GALNTL6: variants seen among roughly 807,000 people sequenced by gnomAD.
GALNTL6 encodes polypeptide N-acetylgalactosaminyltransferase-like 6.
GALNTL6 carries 46 observed loss-of-function variants against 73.7 expected under a neutral mutation model. The ratio of observed to expected loss-of-function variants is 0.62; its 90% CI spans 0.49 to 0.80. The LOEUF (loss-of-function observed/expected upper bound fraction) is 0.80, where lower values mean the gene tolerates loss of function less well. Ranked by LOEUF, GALNTL6 falls within the 30% of genes least tolerant of loss-of-function variation. The pLI is 0.00. For synonymous variants in GALNTL6, 259 were observed against 263.7 expected, an observed-to-expected ratio of 0.98 and a Z score of 0.17; for missense variants, 604 against 755.0, an observed-to-expected ratio of 0.80 and a Z score of 2.34.
intron 2 of GALNTL6, among the ~76,000 whole-genome samples, chr4:171,831,409 A>C (rs917652701): frequency 6.6e-6 from 1 of 152,016 alleles, no homozygotes; most frequent in African/African-American, 2.4e-5. Context: ...GTGTTTGGTG[A>C]AATGATTCTA....
chr4:171,992,351 C>T (rs1267673326), intron 2 of GALNTL6, among the ~76,000 whole-genome samples: 1 of 151,844 alleles, frequency 6.6e-6, no homozygotes, highest in East Asian at 1.9e-4. Flanking sequence ...TTACAGAGGC[C>T]ATTCAGTTAA....
At position 171,860,966 on chromosome 4, in the gene GALNTL6, G is replaced by T. The variant is rs541510918; in HGVS notation, c.138+46248G>T. The stretch of plus-strand genomic sequence containing the variant: ...TCCTCCATTCAGCATTCAGCTTGTA[G>T]CCATAATTCTCCATTAGGCCTCTCA... On this transcript the variant is annotated intron_variant, in intron 2 of 12. Transcript: ENST00000506823. Among the ~76,000 whole-genome samples the T allele has an allele frequency of 5.9e-5, 9 of 152,160 alleles. 1 individual carries two copies. The South Asian group carries it at 1.9e-3, about 32-fold the overall frequency.
chr4:171,919,803 C>A (rs565759333), intron 2 of GALNTL6, among the ~76,000 whole-genome samples: 11 of 152,200 alleles, frequency 7.2e-5, no homozygotes, highest in Admixed American at 3.9e-4. Flanking sequence ...CTCCTGTTTC[C>A]CTCTGGGACT....
intron 5 of GALNTL6, among the ~76,000 whole-genome samples, chr4:172,677,323 T>G (rs536697475): frequency 3.9e-5 from 6 of 152,186 alleles, no homozygotes; most frequent in Admixed American, 3.3e-4. Flanking sequence ...CTGACCCAAT[T>G]CGGCACTGCT....
At chr4:172,797,200 A>T (rs766546277) in intron 5 of GALNTL6, among the ~76,000 whole-genome samples, 7 of 152,114 alleles carry the variant, frequency 4.6e-5, no homozygotes, top group Non-Finnish European at 1.0e-4. Context: ...AAGAGATTTT[A>T]TTGCTCCCAT....
At position 173,040,729 on chromosome 4, in the gene GALNTL6, G is replaced by A. The variant is rs569229706; in HGVS notation, c.*629G>A. ...GGACATCCAGTGTTCCCATTCTTTC[G>A]TTTATATTTGCCATTTTTTTTTCAG... On this transcript the variant is annotated 3_prime_UTR_variant, in exon 13 of 13. Coordinates refer to ENST00000506823, the MANE Select transcript of GALNTL6 (RefSeq NM_001034845.3). 21 of 152,184 alleles carry A rather than the reference G, an allele frequency of 1.4e-4. No homozygotes were observed. The highest frequency in any genetic ancestry group is 1.3e-3 in the South Asian group (6 of 4,796). The allele number at this position is 152,184 out of a possible 1,614,324, so 9.4% of individuals were successfully genotyped here.
intron 5 of GALNTL6, among the ~76,000 whole-genome samples, chr4:172,703,169 A>G (rs1734128421): frequency 6.6e-6 from 1 of 151,944 alleles, no homozygotes; most frequent in South Asian, 2.1e-4. Flanking sequence ...TTTTTATCCA[A>G]TTTAGATGTT....
rs1467221712 is a variant in GALNTL6 at position 173,003,863 on chromosome 4, C to T, written c.1372-5315C>T. Among the ~76,000 whole-genome samples, 5 of 152,206 alleles carry T rather than the reference C, an allele frequency of 3.3e-5. 1 individual carries two copies. In the East Asian group the frequency reaches 9.6e-4, roughly 29 times the overall value. On this transcript the variant is annotated intron_variant, in intron 10 of 12. Transcript: ENST00000506823. ...CCAAGCCCATCTCACCCAGAACGGT[C>T]ATTTCCTCTTCAGGTCTCACTTAGC...
At chr4:172,939,635 C>A (rs1748816435) in intron 9 of GALNTL6, among the ~76,000 whole-genome samples, 1 of 152,182 alleles carries the variant, frequency 6.6e-6, no homozygotes, top group South Asian at 2.1e-4. Flanking sequence ...TTGGGCCTTG[C>A]CAGTTAGATC....
At chr4:172,010,547 A>ATT in intron 2 of GALNTL6, among the ~76,000 whole-genome samples, 1 of 152,044 alleles carries the variant, frequency 6.6e-6, no homozygotes, top group East Asian at 1.9e-4. Flanking sequence ...ACTGATATAT[A>ATT]AAAGGAGAAA....
At chr4:172,363,787 C>G (rs1408056683) in intron 5 of GALNTL6, among the ~76,000 whole-genome samples, 2 of 152,026 alleles carry the variant, frequency 1.3e-5, no homozygotes, top group African/African-American at 4.8e-5. Flanking sequence ...GAATAGAAAC[C>G]TTTTACTTCT....
intron 4 of GALNTL6, among the ~76,000 whole-genome samples, chr4:172,319,793 T>C (rs1445490017): frequency 6.6e-6 from 1 of 152,180 alleles, no homozygotes. Context: ...GTGAAGTTGG[T>C]GAAAATTATT....
At chr4:172,706,162 T>C (rs1734340793) in intron 5 of GALNTL6, among the ~76,000 whole-genome samples, 1 of 152,048 alleles carries the variant, frequency 6.6e-6, no homozygotes, top group African/African-American at 2.4e-5. Flanking sequence ...TTGTTTTCTT[T>C]TTTCTCTTTT....
intron 5 of GALNTL6, among the ~76,000 whole-genome samples, chr4:172,396,051 C>T (rs1042080577): frequency 2.6e-5 from 4 of 152,144 alleles, no homozygotes; most frequent in Non-Finnish European, 5.9e-5. Context: ...CATGGAAACA[C>T]TCCAGCATAC....
At chr4:171,930,940 G>A (rs1387799846) in intron 2 of GALNTL6, among the ~76,000 whole-genome samples, 1 of 152,210 alleles carries the variant, frequency 6.6e-6, no homozygotes, top group African/African-American at 2.4e-5. Context: ...AATTAGGTAA[G>A]AGAAGGAAAT....
chr4:171,978,567 T>G (rs1363466409), intron 2 of GALNTL6, among the ~76,000 whole-genome samples: 4 of 152,222 alleles, frequency 2.6e-5, no homozygotes, highest in Admixed American at 6.5e-5. Context: ...ACAAGTTTCT[T>G]GAGCAGTGAG....
At chr4:172,158,101 A>T (rs1301330302) in intron 2 of GALNTL6, among the ~76,000 whole-genome samples, 1 of 152,196 alleles carries the variant, frequency 6.6e-6, no homozygotes, top group Non-Finnish European at 1.5e-5. Flanking sequence ...TGTTGGCCAG[A>T]TTTGATTCAC....
At chr4:172,538,010 G>C (rs1288518936) in intron 5 of GALNTL6, among the ~76,000 whole-genome samples, 1 of 152,112 alleles carries the variant, frequency 6.6e-6, no homozygotes, top group Non-Finnish European at 1.5e-5. Flanking sequence ...ACTGTTGCAG[G>C]GGTACAGATT....
At chr4:171,949,312 G>T (rs1354806182) in intron 2 of GALNTL6, among the ~76,000 whole-genome samples, 1 of 152,078 alleles carries the variant, frequency 6.6e-6, no homozygotes, top group Non-Finnish European at 1.5e-5. Flanking sequence ...TTTTACCTGG[G>T]CTCTTTCTTG....
Sources: gnomAD v4.1 joint callset for allele counts (sites outside exome capture counted in the v4.1 genomes callset) on GRCh38, gnomAD v4.1.1 for gene constraint, MANE v1.5 for transcripts, NCBI Gene and HGNC (gene_info 2026-07-23, HGNC 2026-07-21) for gene names.